Variants in DCP1B observed in about 807,000 individuals in gnomAD.
DCP1B encodes mRNA-decapping enzyme 1B.
Under a neutral mutation model 60.5 loss-of-function variants are expected in DCP1B, and 47 were observed. The observed-to-expected ratio is 0.78, with a 90% confidence interval of 0.61 to 0.99. The LOEUF (loss-of-function observed/expected upper bound fraction) is 0.99, where lower values mean the gene tolerates loss of function less well. DCP1B is among the 50% of genes least tolerant of loss of function. The pLI is 0.00. For synonymous variants in DCP1B, 267 were observed against 280.3 expected (o/e 0.95, Z 0.47); for missense variants, 725 against 756.8 (o/e 0.96, Z 0.49).
chr12:1,954,667 G>A (rs1259572324), intron 6 of DCP1B, among the ~76,000 whole-genome samples: 1 of 152,010 alleles, frequency 6.6e-6, no homozygotes, highest in African/African-American at 2.4e-5. Context: ...AGCTCTCGGC[G>A]GCAGCTACCC....
intron 1 of DCP1B, among the ~76,000 whole-genome samples, chr12:2,001,344 G>T (rs1565886011): frequency 6.6e-6 from 1 of 151,654 alleles, no homozygotes; most frequent in Non-Finnish European, 1.5e-5. Flanking sequence ...CCAGTCCTGG[G>T]GTATTTTAGC....
intron 7 of DCP1B, 72 bp downstream of exon 7, chr12:1,952,344 T>TC: frequency 6.8e-7 from 1 of 1,464,890 alleles, no homozygotes; most frequent in East Asian, 2.3e-5. Flanking sequence ...TGGCTACTTT[T>TC]TTTTTTTTTT....
chr12:1,972,150 G>A (rs534991913), intron 3 of DCP1B, among the ~76,000 whole-genome samples: 6 of 152,292 alleles, frequency 3.9e-5, no homozygotes, highest in African/African-American at 7.2e-5. Context: ...GGAAAGCCAC[G>A]GAAACGTGGT....
At chr12:1,990,731 A>G (rs2039155110) in intron 3 of DCP1B, among the ~76,000 whole-genome samples, 1 of 152,218 alleles carries the variant, frequency 6.6e-6, no homozygotes, top group African/African-American at 2.4e-5. Flanking sequence ...AACAATCCTG[A>G]GTAAAGCTGA....
intron 3 of DCP1B, among the ~76,000 whole-genome samples, chr12:1,984,513 C>T (rs1160020058): frequency 6.6e-6 from 1 of 151,768 alleles, no homozygotes; most frequent in Non-Finnish European, 1.5e-5. Context: ...GTCCATTTAC[C>T]CTCTCTTTTT....
chr12:1,990,539 G>A (rs1037807658), intron 3 of DCP1B, among the ~76,000 whole-genome samples: 9 of 151,846 alleles, frequency 5.9e-5, no homozygotes. Context: ...TCAAGAAAGG[G>A]ATTTTTTTTT....
At chr12:1,961,078 A>G (rs1252887529) in intron 5 of DCP1B, among the ~76,000 whole-genome samples, 1 of 152,252 alleles carries the variant, frequency 6.6e-6, no homozygotes, top group East Asian at 1.9e-4. Flanking sequence ...GGCCGGCCAA[A>G]AATAAGGTGA....
In DCP1B at chr12:1,948,672, G is replaced by A. The variant is rs112171868; in HGVS notation, c.1773+414C>T. 2.3e-4 allele frequency among the ~76,000 whole-genome samples: 35 copies of A among 152,172 alleles called. No individual in the cohort carries two copies. The South Asian group carries it at 2.7e-3, about 12-fold the overall frequency. ...TTGCTTCCCTCCCTGTTTTCCACTC[G>A]CTCAGTGGCCTCTTCCCCACTCAAC... On this transcript the variant is annotated intron_variant, in intron 8 of 8. Coordinates refer to ENST00000280665, the MANE Select transcript of DCP1B (RefSeq NM_152640.5). The surrounding 1 kb of genome is among the most constrained non-coding windows in gnomAD (Gnocchi z 4.8).
chr12:1,992,922 C>A, intron 3 of DCP1B: 1 of 546,172 alleles, frequency 1.8e-6, no homozygotes, highest in Non-Finnish European at 3.2e-6. Flanking sequence ...GTTCAGGGAG[C>A]CACCTATGTG....
intron 3 of DCP1B, among the ~76,000 whole-genome samples, chr12:1,989,141 C>T (rs2038670095): frequency 6.6e-6 from 1 of 152,066 alleles, no homozygotes; most frequent in Admixed American, 6.5e-5. Context: ...GCCAACTACT[C>T]AGGAGGCTGA....
At chr12:1,985,637 T>C (rs2037475567) in intron 3 of DCP1B, among the ~76,000 whole-genome samples, 1 of 152,204 alleles carries the variant, frequency 6.6e-6, no homozygotes. Flanking sequence ...TCCTGGCTAG[T>C]AATTTTGGAT....
intron 3 of DCP1B, among the ~76,000 whole-genome samples, chr12:1,990,099 G>C (rs75174111): frequency 0.018 from 2,676 of 152,200 alleles, 79 homozygotes; most frequent in African/African-American, 0.059. Context: ...AAGGTTTCTT[G>C]GTTCAAGTGG....
chr12:1,986,660 T>C (rs1203289148), intron 3 of DCP1B, among the ~76,000 whole-genome samples: 1 of 79,664 alleles, frequency 1.3e-5, no homozygotes, highest in African/African-American at 7.6e-5. Context: ...TTCTCTCAGG[T>C]TTTGTTATTT....
intron 3 of DCP1B, among the ~76,000 whole-genome samples, chr12:1,989,728 G>C (rs2038867878): frequency 6.6e-6 from 1 of 152,132 alleles, no homozygotes; most frequent in Non-Finnish European, 1.5e-5. Flanking sequence ...GAAAAAGCAA[G>C]AAAAGAAAGG....
At chr12:1,958,066 C>T (rs191106006) in intron 5 of DCP1B, among the ~76,000 whole-genome samples, 120 of 146,422 alleles carry the variant, frequency 8.2e-4, no homozygotes, top group Middle Eastern at 4.1e-3. Flanking sequence ...AGCTCCCCAA[C>T]GTCGCTCTGG....
At chr12:1,976,368 G>A (rs2034360718) in intron 3 of DCP1B, among the ~76,000 whole-genome samples, 1 of 152,138 alleles carries the variant, frequency 6.6e-6, no homozygotes, top group South Asian at 2.1e-4. Flanking sequence ...AATTTTGGTG[G>A]CTCTTCTTTC....
At chr12:1,970,870 A>G in intron 3 of DCP1B, 1 of 296,050 alleles carries the variant, frequency 3.4e-6, no homozygotes. Context: ...TGTTTTTTAG[A>G]ATTCTAAAAC....
Position 1,953,086 on chromosome 12 carries a change from G to T in DCP1B, c.854C>A (p.Pro285His), listed in dbSNP as rs752428539. ...GGCTGGACAGAGCTGCTTCTCAATG[G>T]GGGGTGAGTGTCTTCTGGGTTCCTC... is the stretch of plus-strand genomic sequence containing the variant. ...SYEEPRRHSPPIEKQLCPAIQ... is the reference protein window; with the variant it reads ...SYEEPRRHSPHIEKQLCPAIQ... The change falls in exon 7 of 9, where the codon CCC (proline) becomes CAC (histidine). Residue 285 changes from proline to histidine, a missense_variant. Coordinates refer to ENST00000280665, the MANE Select transcript of DCP1B (RefSeq NM_152640.5). The T allele has an allele frequency of 1.4e-5, 23 of 1,613,932 alleles. No homozygotes were observed. Among genetic ancestry groups the T allele is most frequent in the Admixed American group, 5.0e-5 (3 of 59,978 alleles).
At chr12:1,991,207 TAC>T (rs2039330672) in intron 3 of DCP1B, 1 of 456,202 alleles carries the variant, frequency 2.2e-6, no homozygotes, top group South Asian at 1.5e-5. Flanking sequence ...TGTGGGTTTT[TAC>T]ACAGTCTGCC....
Sources: allele counts gnomAD v4.1 joint callset (sites outside exome capture counted in the v4.1 genomes callset), GRCh38; gene constraint gnomAD v4.1.1; non-coding constraint Gnocchi (gnomAD v3.1); transcripts MANE v1.5; gene names NCBI Gene and HGNC (gene_info 2026-07-23, HGNC 2026-07-21).